AGBL1: variants seen among roughly 807,000 people sequenced by gnomAD.
AGBL1 encodes cytosolic carboxypeptidase 4.
A neutral mutation model predicts 118.9 loss-of-function variants in AGBL1; 130 were observed. The ratio of observed to expected loss-of-function variants is 1.09; its 90% CI spans 0.95 to 1.26. The LOEUF (loss-of-function observed/expected upper bound fraction) is 1.26. Ranked by LOEUF, AGBL1 falls within the 50% of genes most tolerant of loss-of-function variation. The pLI, the probability that AGBL1 is intolerant of heterozygous loss-of-function variation, is 0.00. For missense variants in AGBL1, 1,584 were observed against 1,298.1 expected (o/e 1.22, Z -3.38); for synonymous variants, 555 against 478.9 (o/e 1.16, Z -2.08).
chr15:86,397,420 C>A lies in AGBL1; in HGVS notation c.2429C>A (p.Ala810Asp). The A allele has an allele frequency of 1.2e-6, 2 of 1,612,916 alleles. No homozygotes were observed. The highest frequency in any genetic ancestry group is 1.7e-6 in the Non-Finnish European group (2 of 1,179,270). The change falls in exon 18 of 23, where the codon GCC becomes GAC. Residue 810 changes from alanine (A) to aspartate (D), a missense_variant. Coordinates refer to ENST00000614907, the MANE Select transcript of AGBL1 (RefSeq NM_001386094.1). ...TARVHPGESN[A>D]SWVMKGTLEF... The stretch of plus-strand genomic sequence containing the variant: ...CGAGTTCATCCAGGAGAGAGCAATG[C>A]CAGTTGGGTGATGAAGGGTACCTTG...
intron 20 of AGBL1, among the ~76,000 whole-genome samples, chr15:86,548,008 A>G (rs2083609396): frequency 6.6e-6 from 1 of 152,168 alleles, no homozygotes; most frequent in Non-Finnish European, 1.5e-5. Flanking sequence ...GGACATAATG[A>G]TCTGTAAATA....
intron 23 of AGBL1, among the ~76,000 whole-genome samples, chr15:86,979,879 C>G (rs78452634): frequency 6.6e-6 from 1 of 152,152 alleles, no homozygotes; most frequent in African/African-American, 2.4e-5. Flanking sequence ...ACACATCTCA[C>G]TGTTTCCCTT....
intron 22 of AGBL1, among the ~76,000 whole-genome samples, chr15:86,822,422 C>A (rs935354165): frequency 6.6e-6 from 1 of 152,140 alleles, no homozygotes; most frequent in African/African-American, 2.4e-5. Context: ...GGCACCAGAA[C>A]TAGGCTGTTT....
At chr15:86,838,553 G>T (rs894683274) in intron 22 of AGBL1, among the ~76,000 whole-genome samples, 5 of 152,108 alleles carry the variant, frequency 3.3e-5, no homozygotes, top group African/African-American at 1.2e-4. Context: ...CTAAGGCTGG[G>T]TTCTCAGATT....
At chr15:86,391,175 T>C (rs1172524334) in intron 17 of AGBL1, among the ~76,000 whole-genome samples, 1 of 152,152 alleles carries the variant, frequency 6.6e-6, no homozygotes, top group Admixed American at 6.5e-5. Context: ...TCAAAATTTA[T>C]TGACTTGTAA....
rs1283410917 is a variant in AGBL1 at position 86,907,579 on chromosome 15, T to A, written c.*285T>A. ...TGGGTAGCCTCAAGATTACCATGGA[T>A]CCTTTCAAGATTTTTCTGAGTTATT... On this transcript the variant is annotated 3_prime_UTR_variant, in exon 23 of 23. Coordinates refer to ENST00000614907, the MANE Select transcript of AGBL1 (RefSeq NM_001386094.1). 1 of 152,160 alleles carries A rather than the reference T, an allele frequency of 6.6e-6. No individual in the cohort carries two copies. The highest frequency in any genetic ancestry group is 1.9e-4 in the East Asian group (1 of 5,184). 9.4% of individuals were successfully genotyped at this position (152,160 alleles called of 1,614,324 possible).
At chr15:86,969,010 C>G (rs1026290366) in intron 23 of AGBL1, among the ~76,000 whole-genome samples, 2 of 151,894 alleles carry the variant, frequency 1.3e-5, no homozygotes, top group African/African-American at 2.4e-5. Context: ...GGTTAGATTT[C>G]AACAAATAAA....
At chr15:86,191,845 G>C (rs2077726811) in intron 5 of AGBL1, among the ~76,000 whole-genome samples, 1 of 151,440 alleles carries the variant, frequency 6.6e-6, no homozygotes, top group Non-Finnish European at 1.5e-5. Flanking sequence ...GGAGGCCAAG[G>C]CAGGAAGATT....
At chr15:86,308,769 C>T (rs1406507693) in intron 17 of AGBL1, among the ~76,000 whole-genome samples, 1 of 152,142 alleles carries the variant, frequency 6.6e-6, no homozygotes, top group Non-Finnish European at 1.5e-5. Context: ...TATTCTGTTC[C>T]ATTGGTCTGT....
intron 22 of AGBL1, among the ~76,000 whole-genome samples, chr15:86,703,657 C>G (rs1198269409): frequency 6.6e-6 from 1 of 151,920 alleles, no homozygotes; most frequent in Non-Finnish European, 1.5e-5. Flanking sequence ...ATGGTTTTTT[C>G]CCATGCTGTT....
At chr15:86,902,797 A>T (rs1473475692) in intron 22 of AGBL1, among the ~76,000 whole-genome samples, 1 of 152,114 alleles carries the variant, frequency 6.6e-6, no homozygotes, top group Non-Finnish European at 1.5e-5. Context: ...TCCCTATGGC[A>T]TTGTTCCCCT....
intron 17 of AGBL1, among the ~76,000 whole-genome samples, chr15:86,308,968 T>C (rs1257984058): frequency 3.3e-5 from 5 of 152,230 alleles, no homozygotes; most frequent in Admixed American, 3.3e-4. Flanking sequence ...AAAAGTATCA[T>C]TGGAATTTTG....
chr15:86,692,348 T>G (rs1046675237), intron 22 of AGBL1, among the ~76,000 whole-genome samples: 20 of 151,644 alleles, frequency 1.3e-4, no homozygotes, highest in African/African-American at 4.8e-4. Flanking sequence ...AGGGAAGCAA[T>G]AAAGAAAAGG....
rs116830286 is a variant in AGBL1, at chr15:86,246,271, G to A, written c.527-1400G>A. 5.3e-3 allele frequency among the ~76,000 whole-genome samples: 813 copies of A among 152,312 alleles called. 3 individuals carry two copies. The highest frequency in any genetic ancestry group is 0.018 in the African/African-American group (732 of 41,552). On this transcript the variant is annotated intron_variant, in intron 6 of 22. Coordinates refer to ENST00000614907, the MANE Select transcript of AGBL1 (RefSeq NM_001386094.1). ...GGGGGTAAAGTTAGTTGGGGTGTGTGGAGGAGGCAGCACAGCAAAACCCGT... is the reference window on the plus strand; with the variant it reads ...GGGGGTAAAGTTAGTTGGGGTGTGTAGAGGAGGCAGCACAGCAAAACCCGT...
intron 5 of AGBL1, among the ~76,000 whole-genome samples, chr15:86,170,275 T>A (rs1370404137): frequency 6.6e-6 from 1 of 152,042 alleles, no homozygotes; most frequent in Non-Finnish European, 1.5e-5. Context: ...AAGAGAAGAT[T>A]AGTTTGAAAA....
At chr15:86,219,970 T>TTTTTG (rs1555450415) in intron 5 of AGBL1, among the ~76,000 whole-genome samples, 4 of 145,830 alleles carry the variant, frequency 2.7e-5, no homozygotes, top group Admixed American at 6.8e-5. Context: ...TTTTTTTTTT[T>TTTTTG]AGATGGAGTT....
intron 24 of AGBL1, among the ~76,000 whole-genome samples, chr15:87,003,752 A>T (rs2081466689): frequency 6.6e-6 from 1 of 152,166 alleles, no homozygotes; most frequent in East Asian, 1.9e-4. Context: ...TAGATTTTCA[A>T]GTTTATTTGC....
intron 17 of AGBL1, among the ~76,000 whole-genome samples, chr15:86,372,717 G>A (rs1177196194): frequency 6.6e-6 from 1 of 152,202 alleles, no homozygotes; most frequent in Non-Finnish European, 1.5e-5. Flanking sequence ...TGTTTCCATC[G>A]GGGAGGTTGC....
chr15:86,652,851 ATTTGACAGTATCTAGAGACAT>A (rs1276709746), intron 21 of AGBL1, among the ~76,000 whole-genome samples: 1 of 152,132 alleles, frequency 6.6e-6, no homozygotes, highest in Non-Finnish European at 1.5e-5. Context: ...TGCCAGAGAC[ATTTGACAGTATCTAGAGACAT>A]TTTGGGTTGT....
Sources: allele counts gnomAD v4.1 joint callset (sites outside exome capture counted in the v4.1 genomes callset), GRCh38; gene constraint gnomAD v4.1.1; transcripts MANE v1.5; gene names NCBI Gene and HGNC (gene_info 2026-07-23, HGNC 2026-07-21).